Variants in TRIM62 observed in about 807,000 individuals in gnomAD.
The protein encoded by TRIM62 is E3 ubiquitin-protein ligase TRIM62.
In TRIM62, 39 loss-of-function variants were observed where a neutral mutation model predicts 44.2. The observed-to-expected ratio is 0.88, with a 90% confidence interval of 0.68 to 1.15. TRIM62 has a LOEUF of 1.15. Ranked by LOEUF, TRIM62 falls within the 50% of genes most tolerant of loss-of-function variation. TRIM62 has a pLI of 0.00. For synonymous variants in TRIM62, 278 were observed against 292.3 expected (o/e 0.95, Z 0.50); for missense variants, 544 against 665.5 (o/e 0.82, Z 2.01).
rs538058397 is a variant in TRIM62, at chr1:33,145,853, T to C, written c.*1324A>G. On this transcript the variant is annotated 3_prime_UTR_variant, in exon 5 of 5. Coordinates refer to ENST00000291416, the MANE Select transcript of TRIM62 (RefSeq NM_018207.3). ...TGGGGCTTGCTCCACCCACCCTAAC[T>C]TCCTTCTAGGGAAATGACATTTCCC... 1.9e-5 allele frequency: 9 copies of C among 471,096 alleles called. No individual in the cohort carries two copies. In the East Asian group the frequency reaches 6.3e-4, roughly 33 times the overall value. The allele number at this position is 471,096 out of a possible 1,614,324, so 29.2% of individuals were successfully genotyped here. A position where few individuals can be genotyped will look rare whatever the true frequency, so the allele number is the denominator to read the frequency against.
In TRIM62 at chr1:33,165,558, C is replaced by G. The variant is rs1300901761; in HGVS notation, c.417G>C (p.Leu139=). 6.2e-7 allele frequency: 1 copy of G among 1,607,806 alleles called. No homozygotes were observed. The highest frequency in any genetic ancestry group is 1.3e-5 in the African/African-American group (1 of 74,732). ...DDAFDELQRE[L]KDQLQALQDS... ...CTTGAAGGGCCTGAAGTTGGTCCTT[C>G]AGCTCCCTCTGAAACACACACAGGG... Residue 139 remains leucine, a synonymous_variant, in exon 2 of 5, where the codon CTG becomes CTC. Coordinates refer to ENST00000291416, the MANE Select transcript of TRIM62 (RefSeq NM_018207.3). The surrounding 1 kb of genome is among the most constrained non-coding windows in gnomAD (Gnocchi z 4.0).
chr1:33,160,092 TG>T, intron 2 of TRIM62, 148 bp from the exon 3 acceptor site: 9 of 1,043,332 alleles, frequency 8.6e-6, no homozygotes, highest in Non-Finnish European at 1.1e-5. Flanking sequence ...TGCAAAAGCA[TG>T]GTGGTAGGAA....
chr1:33,166,221 A>G (rs1035155821), intron 1 of TRIM62: 3 of 152,298 alleles, frequency 2.0e-5, no homozygotes, highest in Non-Finnish European at 4.4e-5. Flanking sequence ...CACTGATCCT[A>G]CATCATGTTG....
In TRIM62 at chr1:33,181,339, G is replaced by T; in HGVS notation, c.94C>A (p.Arg32Ser). 1.3e-6 allele frequency: 2 copies of T among 1,582,740 alleles called. No individual in the cohort carries two copies. Among genetic ancestry groups the T allele is most frequent in the South Asian group, 1.1e-5 (1 of 87,436 alleles). ...VSLGCEHYFC[R>S]RCITEHWVRQ... is the part of the protein sequence containing the mutation. ...ACCCAGTGCTCCGTGATGCAGCGGC[G>T]GCAGAAGTAATGCTCGCAGCCCAGG... is the stretch of plus-strand genomic sequence containing the variant. Residue 32 changes from arginine to serine, a missense_variant, in exon 1 of 5, where the codon CGC becomes AGC. Physicochemically the swap from Arg to Ser is moderately radical, Grantham distance 110. Coordinates refer to ENST00000291416, the MANE Select transcript of TRIM62 (RefSeq NM_018207.3). This position sits in a 1 kb window ranked among gnomAD's most constrained non-coding sequence, Gnocchi z 6.5.
In TRIM62 at chr1:33,158,257, G is replaced by A. The variant is rs1198319692; in HGVS notation, c.873C>T (p.His291=). The change falls in exon 4 of 5, where the codon CAC becomes CAT. Residue 291 remains histidine (H), a synonymous_variant. Transcript: ENST00000291416. ...TIWKSLFQDI[H]PVPAALTLDP... Reference sequence around the variant, plus strand: ...CCATGATAACCCATGCCTTACCTGGGTGGATGTCCTGGAACAGGGACTTCC... The same window carrying A: ...CCATGATAACCCATGCCTTACCTGGATGGATGTCCTGGAACAGGGACTTCC... The A allele has an allele frequency of 6.2e-7, 1 of 1,613,748 alleles. No individual in the cohort carries two copies. The highest frequency in any genetic ancestry group is 1.7e-5 in the Admixed American group (1 of 60,012).
chr1:33,178,764 A>G lies in TRIM62; in HGVS notation c.408+2261T>C, dbSNP rs114532584. Among the ~76,000 whole-genome samples the G allele has an allele frequency of 7.9e-3, 1,211 of 152,352 alleles. 16 individuals carry two copies. The highest frequency in any genetic ancestry group is 0.028 in the African/African-American group (1,154 of 41,582). On this transcript the variant is annotated intron_variant, in intron 1 of 4. Coordinates refer to ENST00000291416, the MANE Select transcript of TRIM62 (RefSeq NM_018207.3). ...GTCCAACCCCACAACAGTGCACTAG[A>G]GAGTAAGCAAGTGGCAGTCCTGTTT...
At chr1:33,172,119 A>G (rs1645379411) in intron 1 of TRIM62, among the ~76,000 whole-genome samples, 1 of 152,188 alleles carries the variant, frequency 6.6e-6, no homozygotes, top group Non-Finnish European at 1.5e-5. Flanking sequence ...CACCTGCTCC[A>G]TAGGCTTGCT....
At chr1:33,172,037 C>G (rs1339981705) in intron 1 of TRIM62, among the ~76,000 whole-genome samples, 3 of 152,188 alleles carry the variant, frequency 2.0e-5, no homozygotes, top group Non-Finnish European at 4.4e-5. Context: ...CTACCTTGGC[C>G]TCCCAAAGTG....
rs771712820 is a variant in TRIM62, at chr1:33,147,557, C to G, written c.1048G>C (p.Val350Leu). The G allele has an allele frequency of 6.2e-7, 1 of 1,613,966 alleles. No homozygotes were observed. The highest frequency in any genetic ancestry group is 8.5e-7 in the Non-Finnish European group (1 of 1,180,046). The change falls in exon 5 of 5, where the codon GTC becomes CTC. Residue 350 changes from valine (V) to leucine (L), a missense_variant. Transcript: ENST00000291416. The surrounding 1 kb of genome is among the most constrained non-coding windows in gnomAD (Gnocchi z 8.1). ...VLGSEAFSSG[V>L]HYWEVVVAEK... is the part of the protein sequence containing the mutation. The stretch of plus-strand genomic sequence containing the variant: ...GCCACCACCACCTCCCAGTAGTGGA[C>G]GCCACTACTGAAGGCTTCAGAACCC...
Position 33,147,624 on chromosome 1 carries a change from C to T in TRIM62, c.981G>A (p.Leu327=), listed in dbSNP as rs1361034990. The T allele has an allele frequency of 3.1e-6, 5 of 1,614,088 alleles. No individual in the cohort carries two copies. Among genetic ancestry groups the T allele is most frequent in the Non-Finnish European group, 8.5e-7 (1 of 1,180,046 alleles). The part of the protein sequence containing the change: ...VAYGNLHPQP[L]QDSPKRFDVE... ...CATCGAAGCGCTTTGGCGAGTCCTG[C>T]AGTGGCTGTGGGTGCAAGTTGCCGT... is the stretch of plus-strand genomic sequence containing the variant. The change falls in exon 5 of 5, where the codon CTG becomes CTA. Residue 327 remains leucine, a synonymous_variant. Coordinates refer to ENST00000291416, the MANE Select transcript of TRIM62 (RefSeq NM_018207.3). The surrounding 1 kb of genome is among the most constrained non-coding windows in gnomAD (Gnocchi z 8.1).
chr1:33,181,150 C>T lies in TRIM62; in HGVS notation c.283G>A (p.Ala95Thr). The change falls in exon 1 of 5, where the codon GCG becomes ACG. Residue 95 changes from alanine (A) to threonine (T), a missense_variant. Coordinates refer to ENST00000291416, the MANE Select transcript of TRIM62 (RefSeq NM_018207.3). This position sits in a 1 kb window ranked among gnomAD's most constrained non-coding sequence, Gnocchi z 6.5. Reference sequence around the variant, plus strand: ...CAGAAGAGCTTGACCTTGTCGTGCGCCTGGCAGGGTCGCGCGGCGCGGCGC... The same window carrying T: ...CAGAAGAGCTTGACCTTGTCGTGCGTCTGGCAGGGTCGCGCGGCGCGGCGC... ...NARRAARPCQ[A>T]HDKVKLFCLT... is the part of the protein sequence containing the mutation. 1 of 1,599,990 alleles carries T rather than the reference C, an allele frequency of 6.3e-7. No homozygotes were observed. Among genetic ancestry groups the T allele is most frequent in the Non-Finnish European group, 8.5e-7 (1 of 1,178,232 alleles).
intron 1 of TRIM62, among the ~76,000 whole-genome samples, chr1:33,171,883 G>C (rs1645377379): frequency 6.6e-6 from 1 of 152,178 alleles, no homozygotes; most frequent in Non-Finnish European, 1.5e-5. Context: ...CCAGGTTCAA[G>C]TGATACTCCT....
chr1:33,176,296 G>A, intron 1 of TRIM62: 2 of 575,994 alleles, frequency 3.5e-6, no homozygotes, highest in South Asian at 4.0e-5. Flanking sequence ...GGGTAAGAGG[G>A]TGTCACCCCC....
chr1:33,147,049 G>A lies in TRIM62; in HGVS notation c.*128C>T, dbSNP rs1033911314. On this transcript the variant is annotated 3_prime_UTR_variant, in exon 5 of 5. Coordinates refer to ENST00000291416, the MANE Select transcript of TRIM62 (RefSeq NM_018207.3). This position sits in a 1 kb window ranked among gnomAD's most constrained non-coding sequence, Gnocchi z 8.1. ...ACCTCCATTTTACAGACTGGAGGCT[G>A]GAGGGTAAACAACTGGCCTGAGGTC... is the stretch of plus-strand genomic sequence containing the variant. The A allele has an allele frequency of 1.1e-6, 1 of 945,420 alleles. No homozygotes were observed. The highest frequency in any genetic ancestry group is 1.6e-6 in the Non-Finnish European group (1 of 626,396). 58.6% of individuals were successfully genotyped at this position (945,420 alleles called of 1,614,324 possible). A position where few individuals can be genotyped will look rare whatever the true frequency, so the allele number is the denominator to read the frequency against.
At chr1:33,157,514 T>C (rs557622013) in intron 4 of TRIM62, among the ~76,000 whole-genome samples, 2 of 152,276 alleles carry the variant, frequency 1.3e-5, no homozygotes, top group Admixed American at 1.3e-4. Context: ...CAGTATCTAA[T>C]ATGCTCTGTA....
rs754617018 is a variant in TRIM62 at position 33,147,330 on chromosome 1, G to A, written c.1275C>T (p.Gly425=). The A allele has an allele frequency of 5.7e-5, 92 of 1,614,114 alleles. No homozygotes were observed. Among genetic ancestry groups the A allele is most frequent in the Non-Finnish European group, 7.5e-5 (88 of 1,180,060 alleles). Residue 425 remains glycine (G), a synonymous_variant, in exon 5 of 5, where the codon GGC becomes GGT. Coordinates refer to ENST00000291416, the MANE Select transcript of TRIM62 (RefSeq NM_018207.3). This position sits in a 1 kb window ranked among gnomAD's most constrained non-coding sequence, Gnocchi z 8.1. ...KVGVFLDYDQ[G]LLIFYNADDM... is the part of the protein sequence containing the mutation. ...CATCAGCATTGTAGAAGATGAGCAAGCCTTGGTCATAGTCCAGGAAGACAC... is the reference window on the plus strand; with the variant it reads ...CATCAGCATTGTAGAAGATGAGCAAACCTTGGTCATAGTCCAGGAAGACAC...
chr1:33,154,838 A>G (rs577888344), intron 4 of TRIM62, among the ~76,000 whole-genome samples: 5 of 150,202 alleles, frequency 3.3e-5, no homozygotes, highest in Admixed American at 3.3e-4. Flanking sequence ...TCACGCCTGT[A>G]ATCCCAGCAC....
In TRIM62 at chr1:33,147,148, C is replaced by T. The variant is rs757387403; in HGVS notation, c.*29G>A. ...GGGCTCTTGCAGGTGGCAGTGGTCC[C>T]AGGAGGTTGTGGTCTCCTTCTGCCT... On this transcript the variant is annotated 3_prime_UTR_variant, in exon 5 of 5. Coordinates refer to ENST00000291416, the MANE Select transcript of TRIM62 (RefSeq NM_018207.3). This position sits in a 1 kb window ranked among gnomAD's most constrained non-coding sequence, Gnocchi z 8.1. 6 of 1,603,904 alleles carry T rather than the reference C, an allele frequency of 3.7e-6. 1 individual carries two copies. The South Asian group carries it at 5.6e-5, about 15-fold the overall frequency.
intron 4 of TRIM62, 134 bp downstream of exon 4, chr1:33,158,119 T>A: frequency 1.4e-6 from 1 of 723,896 alleles, no homozygotes; most frequent in East Asian, 2.8e-5. Context: ...GGACAGGTCC[T>A]GGAACACACT....
Sources: gnomAD v4.1 joint callset for allele counts (sites outside exome capture counted in the v4.1 genomes callset) on GRCh38, gnomAD v4.1.1 for gene constraint, Gnocchi (gnomAD v3.1) non-coding constraint, MANE v1.5 for transcripts, NCBI Gene and HGNC (gene_info 2026-07-23, HGNC 2026-07-21) for gene names.